Variants in CCSER1 observed in about 807,000 individuals in gnomAD.
CCSER1 encodes the protein serine-rich coiled-coil domain-containing protein 1.
CCSER1 carries 41 observed loss-of-function variants against 82.0 expected under a neutral mutation model. The observed-to-expected ratio is 0.50, with a 90% confidence interval of 0.39 to 0.65. The LOEUF is 0.65. CCSER1 is among the 30% of genes least tolerant of loss of function. The pLI, the probability that CCSER1 is intolerant of heterozygous loss-of-function variation, is 0.00. For missense variants in CCSER1, 1,119 were observed against 1,064.2 expected (o/e 1.05, Z -0.72); for synonymous variants, 414 against 383.9 (o/e 1.08, Z -0.92).
intron 1 of CCSER1, among the ~76,000 whole-genome samples, chr4:90,273,054 G>T (rs2153455506): frequency 6.6e-6 from 1 of 152,110 alleles, no homozygotes. Flanking sequence ...ATCCTGTCGT[G>T]TGTAGCAACA....
intron 10 of CCSER1, among the ~76,000 whole-genome samples, chr4:91,523,959 A>T (rs555414533): frequency 1.5e-4 from 23 of 152,208 alleles, no homozygotes; most frequent in Non-Finnish European, 2.8e-4. Flanking sequence ...TGACAAAATC[A>T]CCTATATAAA....
intron 6 of CCSER1, among the ~76,000 whole-genome samples, chr4:90,671,651 A>G (rs1306145394): frequency 6.6e-6 from 1 of 152,016 alleles, no homozygotes; most frequent in Non-Finnish European, 1.5e-5. Flanking sequence ...ACTCCTGTTA[A>G]TGTTGATATT....
At chr4:90,703,837 T>G (rs1738709579) in intron 6 of CCSER1, among the ~76,000 whole-genome samples, 1 of 152,196 alleles carries the variant, frequency 6.6e-6, no homozygotes, top group African/African-American at 2.4e-5. Context: ...TAGATATTCC[T>G]CCATCCCTTT....
At chr4:91,316,016 A>G (rs1042187506) in intron 10 of CCSER1, among the ~76,000 whole-genome samples, 3 of 151,974 alleles carry the variant, frequency 2.0e-5, no homozygotes, top group African/African-American at 7.2e-5. Context: ...TGTTCTCATG[A>G]TAATGAATAA....
intron 3 of CCSER1, among the ~76,000 whole-genome samples, chr4:90,391,444 G>GTATATATATATATA (rs770320334): frequency 5.3e-5 from 2 of 37,488 alleles, no homozygotes; most frequent in Middle Eastern, 0.028. Flanking sequence ...ATATATGGGG[G>GTATATATATATATA]TATATATATA....
chr4:90,698,532 C>G (rs1000107595), intron 6 of CCSER1, among the ~76,000 whole-genome samples: 3 of 152,128 alleles, frequency 2.0e-5, no homozygotes, highest in African/African-American at 7.2e-5. Flanking sequence ...CTTTTCCATG[C>G]ATTTCGTCAT....
chr4:90,594,547 T>G (rs1783084481), intron 5 of CCSER1, among the ~76,000 whole-genome samples: 1 of 152,064 alleles, frequency 6.6e-6, no homozygotes, highest in Non-Finnish European at 1.5e-5. Flanking sequence ...CTCAATAGAT[T>G]GGGGAAGCAG....
chr4:90,936,491 C>T (rs1730948180), intron 9 of CCSER1, among the ~76,000 whole-genome samples: 1 of 152,024 alleles, frequency 6.6e-6, no homozygotes. Flanking sequence ...TTGTCCACTT[C>T]ACATCACAAA....
intron 10 of CCSER1, among the ~76,000 whole-genome samples, chr4:91,269,811 TA>T (rs527716378): frequency 4.1e-4 from 63 of 152,126 alleles, no homozygotes; most frequent in East Asian, 3.7e-3. Flanking sequence ...AAACTCTACT[TA>T]AAAAAAATTC....
At position 91,195,461 on chromosome 4, in the gene CCSER1, T is replaced by G. The variant is rs72669273; in HGVS notation, c.2217+109467T>G. 1.6e-3 allele frequency among the ~76,000 whole-genome samples: 238 copies of G among 152,184 alleles called. 1 individual carries two copies. Among genetic ancestry groups the G allele is most frequent in the Non-Finnish European group, 2.7e-3 (184 of 67,982 alleles). On this transcript the variant is annotated intron_variant, in intron 10 of 10. Coordinates refer to ENST00000509176, the MANE Select transcript of CCSER1 (RefSeq NM_001145065.2). ...AAACTTTGCTAACTTAATGGGAAAT[T>G]TTGTGGAATAGTGTTATGACATTAC...
At chr4:91,490,890 AT>A (rs1349986270) in intron 10 of CCSER1, among the ~76,000 whole-genome samples, 1 of 46,070 alleles carries the variant, frequency 2.2e-5, no homozygotes, top group African/African-American at 9.3e-5. Context: ...ATATATATAT[AT>A]ATATATATAT....
intron 5 of CCSER1, among the ~76,000 whole-genome samples, chr4:90,594,674 A>G (rs1363749186): frequency 6.6e-6 from 1 of 152,142 alleles, no homozygotes; most frequent in East Asian, 1.9e-4. Flanking sequence ...TAAACGTTTC[A>G]TTTAGACCAT....
At chr4:90,640,894 C>CGGTA (rs1458499376) in intron 6 of CCSER1, among the ~76,000 whole-genome samples, 1 of 152,032 alleles carries the variant, frequency 6.6e-6, no homozygotes, top group African/African-American at 2.4e-5. Flanking sequence ...TTAAATTACC[C>CGGTA]AGTCCTGGGC....
intron 7 of CCSER1, among the ~76,000 whole-genome samples, chr4:90,783,380 A>G (rs1754070250): frequency 2.0e-5 from 3 of 152,174 alleles, no homozygotes; most frequent in African/African-American, 7.2e-5. Flanking sequence ...ACTGCAGCAG[A>G]AGTCACTGAA....
At chr4:90,970,497 A>C (rs745846669) in intron 9 of CCSER1, among the ~76,000 whole-genome samples, 1 of 152,038 alleles carries the variant, frequency 6.6e-6, no homozygotes, top group African/African-American at 2.4e-5. Context: ...ACAGAAATAC[A>C]ATAGTAGAAG....
chr4:90,940,041 T>C (rs2150324364), intron 9 of CCSER1, among the ~76,000 whole-genome samples: 1 of 152,282 alleles, frequency 6.6e-6, no homozygotes, highest in East Asian at 1.9e-4. Context: ...TCTACATGAA[T>C]GGTCAATACT....
chr4:91,561,105 C>T (rs1296472226), intron 10 of CCSER1, among the ~76,000 whole-genome samples: 3 of 151,440 alleles, frequency 2.0e-5, no homozygotes, highest in African/African-American at 7.3e-5. Context: ...ACTATTCTCA[C>T]TCCAACCTGG....
chr4:91,045,139 A>G (rs1213826498), intron 9 of CCSER1, among the ~76,000 whole-genome samples: 1 of 152,190 alleles, frequency 6.6e-6, no homozygotes, highest in African/African-American at 2.4e-5. Flanking sequence ...TAAAATACCT[A>G]TGTGGGTATT....
In CCSER1 at chr4:91,356,257, G is replaced by A. The variant is rs543681813; in HGVS notation, c.2218-242315G>A. Among the ~76,000 whole-genome samples, 11 of 152,358 alleles carry A rather than the reference G, an allele frequency of 7.2e-5. No individual in the cohort carries two copies. In the South Asian group the frequency reaches 2.3e-3, roughly 32 times the overall value. On this transcript the variant is annotated intron_variant, in intron 10 of 10. Coordinates refer to ENST00000509176, the MANE Select transcript of CCSER1 (RefSeq NM_001145065.2). Reference sequence around the variant, plus strand: ...CTTTCTGACACATAGAGTGTAAAGAGTTTTGTCAGGTCAGGTAGCCTCAGG... The same window carrying A: ...CTTTCTGACACATAGAGTGTAAAGAATTTTGTCAGGTCAGGTAGCCTCAGG...
Sources: gnomAD v4.1 joint callset for allele counts (sites outside exome capture counted in the v4.1 genomes callset) on GRCh38, gnomAD v4.1.1 for gene constraint, MANE v1.5 for transcripts, NCBI Gene and HGNC (gene_info 2026-07-23, HGNC 2026-07-21) for gene names.